The following MGAT4C variants were observed in gnomAD, a reference collection of about 807,000 sequenced individuals.
MGAT4C encodes the protein alpha-1,3-mannosyl-glycoprotein 4-beta-N-acetylglucosaminyltransferase C.
In MGAT4C, 19 loss-of-function variants were observed where a neutral mutation model predicts 40.1. The observed-to-expected ratio is 0.47, with a 90% confidence interval of 0.33 to 0.70. MGAT4C has a LOEUF of 0.70. Ranked by LOEUF, MGAT4C falls within the 30% of genes least tolerant of loss-of-function variation. The pLI is 0.02. For synonymous variants in MGAT4C, 181 were observed against 187.1 expected (o/e 0.97, Z 0.27); for missense variants, 491 against 563.2 (o/e 0.87, Z 1.30).
intron 1 of MGAT4C, among the ~76,000 whole-genome samples, chr12:86,741,703 G>A (rs540779389): frequency 6.6e-6 from 1 of 151,464 alleles, no homozygotes; most frequent in African/African-American, 2.4e-5. Flanking sequence ...TGCAAGAATA[G>A]TTTTGCTTGT....
At chr12:86,637,243 C>A (rs1963247232) in intron 2 of MGAT4C, among the ~76,000 whole-genome samples, 1 of 151,912 alleles carries the variant, frequency 6.6e-6, no homozygotes, top group African/African-American at 2.4e-5. Flanking sequence ...AATATTTGTT[C>A]ATGGTAATAA....
At chr12:86,721,989 T>A (rs1263388674) in intron 2 of MGAT4C, among the ~76,000 whole-genome samples, 3 of 152,150 alleles carry the variant, frequency 2.0e-5, no homozygotes, top group African/African-American at 7.2e-5. Context: ...ATTTCCCTGG[T>A]GTTGCTAAAT....
At position 85,978,272 on chromosome 12, in the gene MGAT4C, A is replaced by C. The variant is rs1884159801; in HGVS notation, c.*1017T>G. The C allele has an allele frequency of 1.3e-5, 2 of 151,810 alleles. No individual in the cohort carries two copies. The highest frequency in any genetic ancestry group is 3.0e-5 in the Non-Finnish European group (2 of 67,668). 9.4% of individuals were successfully genotyped at this position (151,810 alleles called of 1,614,324 possible). A position where few individuals can be genotyped will look rare whatever the true frequency, so the allele number is the denominator to read the frequency against. ...AAAAGAGCATTGTCTGGTTATCAGA[A>C]TATCAGATCTCTCATTCTGGCCTTG... On this transcript the variant is annotated 3_prime_UTR_variant, in exon 5 of 5. Transcript: ENST00000611864.
intron 2 of MGAT4C, among the ~76,000 whole-genome samples, chr12:86,587,022 T>C (rs991791479): frequency 1.3e-5 from 2 of 152,174 alleles, no homozygotes; most frequent in African/African-American, 2.4e-5. Context: ...CATGAAGTCC[T>C]TGTCCATGCC....
Position 86,096,843 on chromosome 12 carries a change from C to T in MGAT4C, c.-56-47120G>A, listed in dbSNP as rs186230919. ...AGAGGGGATTCTTCCACCTAAATCCCATATAATATATTTGTGGTTGTCTCA... is the reference window on the plus strand; with the variant it reads ...AGAGGGGATTCTTCCACCTAAATCCTATATAATATATTTGTGGTTGTCTCA... On this transcript the variant is annotated intron_variant, in intron 1 of 4. Transcript: ENST00000611864. Among the ~76,000 whole-genome samples, 274 of 151,652 alleles carry T rather than the reference C, an allele frequency of 1.8e-3. 2 individuals carry two copies. The highest frequency in any genetic ancestry group is 6.8e-3 in the Middle Eastern group (2 of 294).
At chr12:86,264,087 C>G (rs1384667193) in intron 4 of MGAT4C, among the ~76,000 whole-genome samples, 1 of 152,000 alleles carries the variant, frequency 6.6e-6, no homozygotes, top group East Asian at 1.9e-4. Flanking sequence ...ATATTAGTCC[C>G]CTGCCAAATG....
intron 1 of MGAT4C, among the ~76,000 whole-genome samples, chr12:86,254,787 T>C (rs142245690): frequency 2.6e-5 from 4 of 152,202 alleles, no homozygotes; most frequent in African/African-American, 9.6e-5. Flanking sequence ...TGATTACGTA[T>C]TGTTGTGGCT....
intron 2 of MGAT4C, among the ~76,000 whole-genome samples, chr12:86,611,456 T>TGATTA (rs1555210964): frequency 2.1e-5 from 3 of 143,548 alleles, no homozygotes; most frequent in Non-Finnish European, 4.5e-5. Flanking sequence ...GATAGATAGA[T>TGATTA]GATAGATAGA....
rs549051730 is a variant in MGAT4C, at chr12:86,720,493, A to G, written c.-229+6716T>C. On this transcript the variant is annotated intron_variant, in intron 2 of 7. Transcript: ENST00000548651. The stretch of plus-strand genomic sequence containing the variant: ...TATGTTATGTTTATTTTAAAGTACT[A>G]CCCCAATTAGGTCCTATTAATATTA... Among the ~76,000 whole-genome samples, 4 of 152,218 alleles carry G rather than the reference A, an allele frequency of 2.6e-5. No individual in the cohort carries two copies. In the East Asian group the frequency reaches 7.7e-4, roughly 29 times the overall value.
chr12:85,960,293 C>T lies in MGAT4C; in HGVS notation c.*18996G>A, dbSNP rs1432693448. 6.6e-6 allele frequency: 1 copy of T among 151,966 alleles called. No homozygotes were observed. Among genetic ancestry groups the T allele is most frequent in the East Asian group, 1.9e-4 (1 of 5,188 alleles). 9.4% of individuals were successfully genotyped at this position (151,966 alleles called of 1,614,324 possible). A position where few individuals can be genotyped will look rare whatever the true frequency, so the allele number is the denominator to read the frequency against. ...AGGGCCGAAAAGGAAGTGATTTTCT[C>T]ATTGAATAAGAGAATCCGAACTGGC... On this transcript the variant is annotated 3_prime_UTR_variant, in exon 5 of 5. Coordinates refer to ENST00000611864, the MANE Select transcript of MGAT4C (RefSeq NM_001351288.2).
At position 86,656,819 on chromosome 12, in the gene MGAT4C, C is replaced by G. The variant is rs796964909; in HGVS notation, c.-229+70390G>C. Among the ~76,000 whole-genome samples, 14 of 152,030 alleles carry G rather than the reference C, an allele frequency of 9.2e-5. 1 individual carries two copies. The highest frequency in any genetic ancestry group is 3.1e-4 in the African/African-American group (13 of 41,522). On this transcript the variant is annotated intron_variant, in intron 2 of 7. Coordinates refer to the MGAT4C transcript ENST00000548651. ...ATCTGATACCTGAGAATTTAACTAA[C>G]ACATTTCTAATTAATTGACTTCCTC...
At chr12:86,834,612 C>CCACACACACACACACACACACACACACA (rs148269576) in intron 1 of MGAT4C, among the ~76,000 whole-genome samples, 10 of 148,196 alleles carry the variant, frequency 6.7e-5, no homozygotes, top group Non-Finnish European at 1.3e-4. Flanking sequence ...CCCCCAACCA[C>CCACACACACACACACACACACACACACA]CACACACACA....
chr12:86,207,198 C>T (rs907750928), intron 1 of MGAT4C, among the ~76,000 whole-genome samples: 3 of 151,424 alleles, frequency 2.0e-5, no homozygotes, highest in South Asian at 2.1e-4. Flanking sequence ...AAGAGAGGCT[C>T]ATATAGATTA....
chr12:86,678,407 C>A (rs189529124), intron 2 of MGAT4C, among the ~76,000 whole-genome samples: 1 of 151,664 alleles, frequency 6.6e-6, no homozygotes, highest in Non-Finnish European at 1.5e-5. Context: ...ACTTCCAAAC[C>A]ACTCTGTTTC....
At chr12:86,486,307 C>T (rs1199598951) in intron 2 of MGAT4C, among the ~76,000 whole-genome samples, 1 of 150,946 alleles carries the variant, frequency 6.6e-6, no homozygotes, top group Non-Finnish European at 1.5e-5. Flanking sequence ...CTGCTCTTTT[C>T]AAGAGCACCA....
At chr12:86,701,680 T>C (rs1256891308) in intron 2 of MGAT4C, among the ~76,000 whole-genome samples, 2 of 152,064 alleles carry the variant, frequency 1.3e-5, no homozygotes, top group East Asian at 3.9e-4. Flanking sequence ...AAGTCAAAGC[T>C]AGACATGAGT....
At chr12:86,702,648 G>T (rs1041286267) in intron 2 of MGAT4C, among the ~76,000 whole-genome samples, 1 of 152,118 alleles carries the variant, frequency 6.6e-6, no homozygotes, top group Non-Finnish European at 1.5e-5. Flanking sequence ...AATATTTAAA[G>T]TCCACCATTG....
chr12:86,566,570 A>ATATATATATATG (rs1565853557), intron 2 of MGAT4C, among the ~76,000 whole-genome samples: 4 of 39,480 alleles, frequency 1.0e-4, no homozygotes, highest in Non-Finnish European at 1.9e-4. Context: ...ATATATATAT[A>ATATATATATATG]TATATGTATA....
intron 3 of MGAT4C, among the ~76,000 whole-genome samples, chr12:86,391,370 G>T (rs140769418): frequency 2.0e-5 from 3 of 152,266 alleles, no homozygotes; most frequent in African/African-American, 7.2e-5. Flanking sequence ...ACAGTATGGG[G>T]TTAATCAGAA....
Sources: allele counts gnomAD v4.1 joint callset (sites outside exome capture counted in the v4.1 genomes callset), GRCh38; gene constraint gnomAD v4.1.1; transcripts MANE v1.5; gene names NCBI Gene and HGNC (gene_info 2026-07-23, HGNC 2026-07-21).